Variants in RINL observed in about 807,000 individuals in gnomAD.
RINL encodes Ras and Rab interactor like.
In RINL, 39 loss-of-function variants were observed where a neutral mutation model predicts 58.1. The observed-to-expected ratio is 0.67, with a 90% CI of 0.52 to 0.88. RINL has a LOEUF of 0.88. Ranked by LOEUF, RINL falls within the 40% of genes least tolerant of loss-of-function variation. RINL has a pLI of 0.00. For synonymous variants in RINL, 286 were observed against 323.1 expected (o/e 0.89, Z 1.23); for missense variants, 711 against 749.2 (o/e 0.95, Z 0.60).
Position 38,870,639 on chromosome 19 carries a change from T to C in RINL, c.955A>G (p.Lys319Glu). 6.2e-7 allele frequency: 1 copy of C among 1,613,172 alleles called. No individual in the cohort carries two copies. Among genetic ancestry groups the C allele is most frequent in the Non-Finnish European group, 8.5e-7 (1 of 1,179,564 alleles). Residue 319 changes from lysine to glutamate, a missense_variant, in exon 8 of 12, where the codon AAG becomes GAG. Physicochemically the swap from Lys to Glu is moderately conservative, Grantham distance 56. Transcript: ENST00000591812. This position sits in a 1 kb window ranked among gnomAD's most constrained non-coding sequence, Gnocchi z 5.8. ...AAGACAGCCCTGATGTAGGAGTCCT[T>C]TGCCAGGTGATCCTGGAGGTCAGTA... The part of the protein sequence containing the change: ...LLTDLQDHLA[K>E]DSYIRAVFGS...
At chr19:38,875,475 A>G (rs1171984168) in intron 3 of RINL, among the ~76,000 whole-genome samples, 1 of 151,990 alleles carries the variant, frequency 6.6e-6, no homozygotes, top group East Asian at 1.9e-4. Flanking sequence ...CAGGAGTTTG[A>G]GACCAGCTTG....
chr19:38,869,815 G>C lies in RINL; in HGVS notation c.1343-111C>G. 1 of 1,551,918 alleles carries C rather than the reference G, an allele frequency of 6.4e-7. No homozygotes were observed. Among genetic ancestry groups the C allele is most frequent in the Non-Finnish European group, 8.7e-7 (1 of 1,143,950 alleles). On this transcript the variant is annotated intron_variant, in intron 9 of 11. Coordinates refer to ENST00000591812, the MANE Select transcript of RINL (RefSeq NM_001195833.2). This position sits in a 1 kb window ranked among gnomAD's most constrained non-coding sequence, Gnocchi z 5.7. ...GGCTGGCTGCCCCTCCACCTTGTCG[G>C]GCATGACAGCGCCTCCTACCAGAAT...
rs561658803 is a variant in RINL, at chr19:38,869,342, G to C, written c.1543C>G (p.Arg515Gly). ...TCGGAGCTGAGCCCCCGGGGAGCGC[G>C]GTCTGTTTCGGGCTGGTAGTGGGCA... ...HIAHYQPETD[R>G]APRGLSSEAR... Residue 515 changes from arginine to glycine, a missense_variant, in exon 11 of 12, where the codon CGC becomes GGC. Coordinates refer to ENST00000591812, the MANE Select transcript of RINL (RefSeq NM_001195833.2). This position sits in a 1 kb window ranked among gnomAD's most constrained non-coding sequence, Gnocchi z 5.7. 1.4e-4 allele frequency: 230 copies of C among 1,613,870 alleles called. No individual in the cohort carries two copies. The highest frequency in any genetic ancestry group is 1.9e-4 in the Non-Finnish European group (224 of 1,179,922).
chr19:38,870,276 G>C lies in RINL; in HGVS notation c.1025-16C>G. 7.2e-7 allele frequency: 1 copy of C among 1,381,576 alleles called. No homozygotes were observed. The highest frequency in any genetic ancestry group is 1.6e-5 in the South Asian group (1 of 61,644). The allele number at this position is 1,381,576 out of a possible 1,614,324, so 85.6% of individuals were successfully genotyped here. On this transcript the variant is annotated splice_polypyrimidine_tract_variant and intron_variant, in intron 8 of 11. Transcript: ENST00000591812. The surrounding 1 kb of genome is among the most constrained non-coding windows in gnomAD (Gnocchi z 5.8). ...AGCGCGGGGCCTGCGGGGTGTGGGG[G>C]ACGGGTGAGCACAGGACCGCCAAGT... is the stretch of plus-strand genomic sequence containing the variant.
Position 38,869,092 on chromosome 19 carries a change from G to T in RINL, c.*12C>A. 6.3e-7 allele frequency: 1 copy of T among 1,582,992 alleles called. No individual in the cohort carries two copies. Among genetic ancestry groups the T allele is most frequent in the South Asian group, 1.1e-5 (1 of 87,440 alleles). ...TTGGGATTACAGGCATGAACGGAGG[G>T]GTGTGAAACCCCTAGTTGTCACTGG... On this transcript the variant is annotated 3_prime_UTR_variant, in exon 12 of 12. Coordinates refer to ENST00000591812, the MANE Select transcript of RINL (RefSeq NM_001195833.2). This position sits in a 1 kb window ranked among gnomAD's most constrained non-coding sequence, Gnocchi z 5.7.
chr19:38,872,646 G>C (rs920533264), intron 4 of RINL, among the ~76,000 whole-genome samples: 1 of 151,780 alleles, frequency 6.6e-6, no homozygotes, highest in African/African-American at 2.4e-5. Context: ...AGGCTGAGGT[G>C]GGTGGATCAC....
intron 3 of RINL, 141 bp from the exon 4 acceptor site, chr19:38,874,129 C>T (rs769814330): frequency 3.2e-6 from 2 of 619,156 alleles, no homozygotes; most frequent in African/African-American, 1.8e-5. Flanking sequence ...ACTTTCAGTC[C>T]ATGTGTGTTG....
rs1972864281 is a variant in RINL at position 38,873,879 on chromosome 19, G to A, written c.313+7C>T. 1 of 1,502,602 alleles carries A rather than the reference G, an allele frequency of 6.7e-7. No homozygotes were observed. The highest frequency in any genetic ancestry group is 1.4e-5 in the African/African-American group (1 of 72,402). The allele number at this position is 1,502,602 out of a possible 1,614,324, so 93.1% of individuals were successfully genotyped here. On this transcript the variant is annotated splice_region_variant and intron_variant, in intron 4 of 11. Coordinates refer to ENST00000591812, the MANE Select transcript of RINL (RefSeq NM_001195833.2). ...TGTGGGCTGGAACCTCAGGGGAGGT[G>A]CCTTACCTCTGGGAATCTTCTGGAT...
intron 4 of RINL, among the ~76,000 whole-genome samples, chr19:38,872,377 T>C (rs1972833803): frequency 2.0e-5 from 3 of 151,366 alleles, no homozygotes; most frequent in Middle Eastern, 3.4e-3. Context: ...TCCCAGATAC[T>C]TGGGAGCCTG....
chr19:38,871,293 C>T (rs899664950), intron 6 of RINL, 66 bp from the exon 7 acceptor site: 22 of 1,557,252 alleles, frequency 1.4e-5, no homozygotes, highest in African/African-American at 1.4e-4. Flanking sequence ...CCCCTCAAGG[C>T]GCCAGGAGAC....
Position 38,869,912 on chromosome 19 carries a change from C to T in RINL, c.1342+31G>A. 1 of 1,570,360 alleles carries T rather than the reference C, an allele frequency of 6.4e-7. No individual in the cohort carries two copies. Reference sequence around the variant, plus strand: ...CTGGCTCCAACTCTCAAGGCTCTCCCCACCACGCTAGACGTTGACCCCTCC... The same window carrying T: ...CTGGCTCCAACTCTCAAGGCTCTCCTCACCACGCTAGACGTTGACCCCTCC... On this transcript the variant is annotated intron_variant, in intron 9 of 11. Transcript: ENST00000591812. The surrounding 1 kb of genome is among the most constrained non-coding windows in gnomAD (Gnocchi z 5.7).
chr19:38,869,616 C>T lies in RINL; in HGVS notation c.1431G>A (p.Glu477=). The T allele has an allele frequency of 6.2e-7, 1 of 1,614,006 alleles. No homozygotes were observed. The highest frequency in any genetic ancestry group is 8.5e-7 in the Non-Finnish European group (1 of 1,180,020). Residue 477 remains glutamate (E), a synonymous_variant, in exon 10 of 12, where the codon GAG becomes GAA. Coordinates refer to ENST00000591812, the MANE Select transcript of RINL (RefSeq NM_001195833.2). The surrounding 1 kb of genome is among the most constrained non-coding windows in gnomAD (Gnocchi z 5.7). The part of the protein sequence containing the change: ...PDIGDTQLDV[E]FLMELLDPDE... Reference sequence around the variant, plus strand: ...CTGGATCTAAGAGCTCCATAAGAAACTCTACGTCCAGCTGCGTGTCCCCAA... The same window carrying T: ...CTGGATCTAAGAGCTCCATAAGAAATTCTACGTCCAGCTGCGTGTCCCCAA...
intron 3 of RINL, among the ~76,000 whole-genome samples, chr19:38,875,781 C>A (rs574303693): frequency 5.1e-4 from 77 of 152,264 alleles, no homozygotes; most frequent in African/African-American, 1.8e-3. Flanking sequence ...GTGCTTGGGC[C>A]TGGGGCAGCC....
chr19:38,876,679 C>T lies in RINL; in HGVS notation c.50+14G>A, dbSNP rs774688622. 4.6e-6 allele frequency: 7 copies of T among 1,535,248 alleles called. No homozygotes were observed. In the South Asian group the frequency reaches 8.3e-5, roughly 18 times the overall value. ...AGGGGAAGGAGGGCATAGCCTCAGCCCTAGTAGCCTCACCTCACCCCCTCT... is the reference window on the plus strand; with the variant it reads ...AGGGGAAGGAGGGCATAGCCTCAGCTCTAGTAGCCTCACCTCACCCCCTCT... On this transcript the variant is annotated intron_variant, in intron 2 of 11. Transcript: ENST00000591812.
intron 3 of RINL, among the ~76,000 whole-genome samples, 197 bp from the exon 4 acceptor site, chr19:38,874,185 C>T (rs535180821): frequency 6.6e-6 from 1 of 152,320 alleles, no homozygotes; most frequent in Non-Finnish European, 1.5e-5. Context: ...ATGACCTGAT[C>T]TAGCCAACAG....
At chr19:38,874,036 T>G (rs1972868438) in intron 3 of RINL, 48 bp from the exon 4 acceptor site, 1 of 1,193,552 alleles carries the variant, frequency 8.4e-7, no homozygotes. Flanking sequence ...TGCGCAGATG[T>G]CTGTTGCTTT....
At chr19:38,877,895 G>A (rs933165680) in intron 1 of RINL, among the ~76,000 whole-genome samples, 4 of 152,222 alleles carry the variant, frequency 2.6e-5, no homozygotes, top group African/African-American at 9.6e-5. Context: ...GAACAGGACA[G>A]GCTCCTCCCC....
chr19:38,874,363 C>T (rs1248728896), intron 3 of RINL, among the ~76,000 whole-genome samples: 1 of 152,138 alleles, frequency 6.6e-6, no homozygotes, highest in Non-Finnish European at 1.5e-5. Context: ...ACCTCCGCCT[C>T]CCGGGGTCAA....
Position 38,871,125 on chromosome 19 carries a change from TG to T in RINL, c.553del (p.Gln185ArgfsTer29). The T allele has an allele frequency of 6.2e-7, 1 of 1,613,148 alleles. No homozygotes were observed. Among genetic ancestry groups the T allele is most frequent in the Non-Finnish European group, 8.5e-7 (1 of 1,179,508 alleles). On this transcript the variant is annotated frameshift_variant, in exon 7 of 12. Coordinates refer to ENST00000591812, the MANE Select transcript of RINL (RefSeq NM_001195833.2). LOFTEE classifies it high-confidence loss of function. ...LETHRGWGREQTPQETEPEAA... is the reference protein window; with the variant it reads ...LETHRGWGREXTPQETEPEAA... ...CTCTGGCTCTGTTTCTTGAGGGGTC[TG>T]CTCCCTCCCCCAGCCTCTGTGGGTC...
Sources: gnomAD v4.1 joint callset for allele counts (sites outside exome capture counted in the v4.1 genomes callset) on GRCh38, gnomAD v4.1.1 for gene constraint, Gnocchi (gnomAD v3.1) non-coding constraint, MANE v1.5 for transcripts, NCBI Gene and HGNC (gene_info 2026-07-23, HGNC 2026-07-21) for gene names.